Variants in ARAP2 observed in about 807,000 individuals in gnomAD.
ARAP2 encodes ArfGAP with RhoGAP domain, ankyrin repeat and PH domain 2.
In ARAP2, 148 loss-of-function variants were observed where a neutral mutation model predicts 194.5. The observed-to-expected ratio is 0.76, with a 90% confidence interval of 0.67 to 0.87. The LOEUF is 0.87. Ranked by LOEUF, ARAP2 falls within the 40% of genes least tolerant of loss-of-function variation. The pLI, the probability that ARAP2 is intolerant of heterozygous loss-of-function variation, is 0.00. For missense variants in ARAP2, 2,128 were observed against 1,989.7 expected (o/e 1.07, Z -1.32); for synonymous variants, 695 against 683.5 (o/e 1.02, Z -0.26).
chr4:36,218,700 G>A (rs1377315012), intron 2 of ARAP2, among the ~76,000 whole-genome samples: 2 of 151,972 alleles, frequency 1.3e-5, no homozygotes, highest in Non-Finnish European at 2.9e-5. Flanking sequence ...TAACTCTAAA[G>A]GAAAGTGCAC....
chr4:36,035,798 G>T (rs1719806424), intron 5 of ARAP2, among the ~76,000 whole-genome samples: 1 of 152,016 alleles, frequency 6.6e-6, no homozygotes, highest in Non-Finnish European at 1.5e-5. Context: ...ATTTGAATCT[G>T]CTGAATTTTG....
chr4:36,178,489 T>A (rs1738484617), intron 8 of ARAP2, among the ~76,000 whole-genome samples: 2 of 152,132 alleles, frequency 1.3e-5, no homozygotes, highest in Admixed American at 1.3e-4. Context: ...TGCTCTAGAG[T>A]ATGCCTGCTT....
At chr4:36,050,147 T>C (rs1440330505) in intron 3 of ARAP2, among the ~76,000 whole-genome samples, 2 of 152,166 alleles carry the variant, frequency 1.3e-5, no homozygotes, top group East Asian at 1.9e-4. Flanking sequence ...CTTTACCATA[T>C]TTTAGAAGAA....
At chr4:36,217,092 C>T (rs1748094158) in intron 2 of ARAP2, among the ~76,000 whole-genome samples, 1 of 152,164 alleles carries the variant, frequency 6.6e-6, no homozygotes, top group Admixed American at 6.5e-5. Context: ...AACAGAACTG[C>T]TCTGTTTATT....
intron 2 of ARAP2, among the ~76,000 whole-genome samples, chr4:36,055,673 C>T (rs2109261420): frequency 6.6e-6 from 1 of 152,228 alleles, no homozygotes; most frequent in South Asian, 2.1e-4. Context: ...AACTGATTCT[C>T]CTACCTCAAC....
intron 2 of ARAP2, among the ~76,000 whole-genome samples, chr4:36,216,444 T>C: frequency 6.6e-6 from 1 of 152,024 alleles, no homozygotes; most frequent in East Asian, 1.9e-4. Flanking sequence ...AACAAACAAA[T>C]ATATAAATAA....
intron 2 of ARAP2, among the ~76,000 whole-genome samples, chr4:36,224,112 T>G (rs1477339778): frequency 6.6e-6 from 1 of 150,680 alleles, no homozygotes; most frequent in Non-Finnish European, 1.5e-5. Context: ...AAGGTTAATG[T>G]CAAAGATATC....
chr4:36,226,891 A>G (rs1011110017), intron 2 of ARAP2, among the ~76,000 whole-genome samples: 1 of 152,188 alleles, frequency 6.6e-6, no homozygotes, highest in African/African-American at 2.4e-5. Context: ...CAGCTTTAAC[A>G]TGTGTACACA....
intron 8 of ARAP2, among the ~76,000 whole-genome samples, chr4:36,014,100 T>C (rs7678281): frequency 0.75 from 112,350 of 150,456 alleles, 42,022 homozygotes; most frequent in Admixed American, 0.83. Context: ...TGGTGGTGAG[T>C]GCCTGTAGTG....
chr4:36,118,480 T>C (rs1721935806), intron 24 of ARAP2, among the ~76,000 whole-genome samples: 1 of 151,320 alleles, frequency 6.6e-6, no homozygotes, highest in Admixed American at 6.6e-5. Flanking sequence ...CCCAGACTCT[T>C]TTACTTATCT....
intron 24 of ARAP2, among the ~76,000 whole-genome samples, chr4:36,117,484 C>A (rs547196912): frequency 7.2e-4 from 110 of 151,780 alleles, no homozygotes; most frequent in African/African-American, 2.6e-3. Flanking sequence ...GAGCCATCAG[C>A]ATGTACGTTA....
rs1233349288 is a variant in ARAP2, at chr4:36,244,433, G to A, written c.-414C>T. On this transcript the variant is annotated 5_prime_UTR_variant, in exon 1 of 33. Transcript: ENST00000303965. ...GGCGGGGAGCGCGGGCCGCGGACCC[G>A]CGCTCAGCTCCGGAAACGCCGAGCC... 4.7e-5 allele frequency: 7 copies of A among 149,986 alleles called. No individual in the cohort carries two copies. The highest frequency in any genetic ancestry group is 1.2e-4 in the African/African-American group (5 of 41,118). The allele number at this position is 149,986 out of a possible 1,614,324, so 9.3% of individuals were successfully genotyped here.
chr4:36,022,409 C>G lies in ARAP2; in HGVS notation n.608-3123G>C, dbSNP rs529129493. 1.1e-4 allele frequency among the ~76,000 whole-genome samples: 17 copies of G among 152,136 alleles called. No homozygotes were observed. The South Asian group carries it at 2.1e-3, about 19-fold the overall frequency. On this transcript the variant is annotated intron_variant and non_coding_transcript_variant, in intron 5 of 12. Coordinates refer to the ARAP2 transcript ENST00000503225. ...AATCTTACCCAACATAACGGCAGGACTTGGCAGGAAAAGAAAGACTGGAAG... is the reference window on the plus strand; with the variant it reads ...AATCTTACCCAACATAACGGCAGGAGTTGGCAGGAAAAGAAAGACTGGAAG...
chr4:36,213,352 G>T, intron 3 of ARAP2, 33 bp from the exon 4 acceptor site: 1 of 1,441,052 alleles, frequency 6.9e-7, no homozygotes, highest in Non-Finnish European at 9.7e-7. Flanking sequence ...AGAACAGAAA[G>T]ATGTGAATAA....
chr4:36,202,616 T>C (rs1054026147), intron 6 of ARAP2, among the ~76,000 whole-genome samples: 1 of 152,188 alleles, frequency 6.6e-6, no homozygotes, highest in Non-Finnish European at 1.5e-5. Context: ...AAGAGCTTAG[T>C]GCTTTCATAA....
chr4:36,130,814 A>G (rs1201357700), intron 20 of ARAP2, among the ~76,000 whole-genome samples: 2 of 151,964 alleles, frequency 1.3e-5, no homozygotes, highest in Admixed American at 1.3e-4. Context: ...ATGCAAGAAT[A>G]AGCAAGTTCT....
intron 19 of ARAP2, among the ~76,000 whole-genome samples, chr4:36,135,735 G>C (rs112234175): frequency 3.6e-4 from 54 of 151,752 alleles, no homozygotes; most frequent in African/African-American, 1.3e-3. Flanking sequence ...TCAAAATTAT[G>C]TCTTGCTATA....
chr4:36,085,735 T>C (rs1438807042), intron 28 of ARAP2, among the ~76,000 whole-genome samples: 2 of 152,124 alleles, frequency 1.3e-5, no homozygotes, highest in Non-Finnish European at 2.9e-5. Context: ...AGTAATTTCC[T>C]TTGCAAACTT....
At position 36,147,654 on chromosome 4, in the gene ARAP2, C is replaced by T. The variant is rs1190222655; in HGVS notation, c.3093G>A (p.Gln1031=). Residue 1031 remains glutamine, a synonymous_variant, in exon 18 of 33, where the codon CAG becomes CAA. Coordinates refer to ENST00000303965, the MANE Select transcript of ARAP2 (RefSeq NM_015230.4). Reference sequence around the variant, plus strand: ...CCATAGCAAACCAGCCTTTTCTCCACTGATCCAGGGCATGGCAGTCTTTGT... The same window carrying T: ...CCATAGCAAACCAGCCTTTTCTCCATTGATCCAGGGCATGGCAGTCTTTGT... ...LFYKDCHALD[Q]WRKGWFAMDK... 6.2e-7 allele frequency: 1 copy of T among 1,613,448 alleles called. No homozygotes were observed. Among genetic ancestry groups the T allele is most frequent in the Non-Finnish European group, 8.5e-7 (1 of 1,179,690 alleles).
Sources: allele counts gnomAD v4.1 joint callset (sites outside exome capture counted in the v4.1 genomes callset), GRCh38; gene constraint gnomAD v4.1.1; transcripts MANE v1.5; gene names NCBI Gene and HGNC (gene_info 2026-07-23, HGNC 2026-07-21).